Variants in GALNT13 observed in about 807,000 individuals in gnomAD.
GALNT13 encodes the protein UDP-GalNAc:polypeptide N-acetylgalactosaminyltransferase 13.
Under a neutral mutation model 64.2 loss-of-function variants are expected in GALNT13, and 28 were observed. The ratio of observed to expected loss-of-function variants is 0.44; its 90% confidence interval spans 0.32 to 0.60. The LOEUF (loss-of-function observed/expected upper bound fraction) is 0.60, where lower values mean the gene tolerates loss of function less well. Among genes scored for constraint, GALNT13 ranks in the 20% least tolerant of loss-of-function variants. GALNT13 has a pLI of 0.05. For synonymous variants in GALNT13, 214 were observed against 224.6 expected, an observed-to-expected ratio of 0.95 and a Z score of 0.42; for missense variants, 577 against 669.8, an observed-to-expected ratio of 0.86 and a Z score of 1.53.
At chr2:154,123,389 C>T (rs182821838) in intron 3 of GALNT13, among the ~76,000 whole-genome samples, 60 of 151,994 alleles carry the variant, frequency 3.9e-4, no homozygotes, top group African/African-American at 1.4e-3. Flanking sequence ...TCTAGGGTGA[C>T]CCTCAAATAT....
intron 2 of GALNT13, among the ~76,000 whole-genome samples, chr2:153,942,171 C>T (rs961316429): frequency 6.6e-6 from 1 of 151,918 alleles, no homozygotes; most frequent in Non-Finnish European, 1.5e-5. Flanking sequence ...CTTGATTAAG[C>T]CTCACAATAT....
chr2:154,150,522 A>G (rs532257582), intron 4 of GALNT13, among the ~76,000 whole-genome samples: 1 of 152,188 alleles, frequency 6.6e-6, no homozygotes, highest in East Asian at 1.9e-4. Context: ...TCCTCCTTGT[A>G]CCTCTGGTAG....
intron 3 of GALNT13, among the ~76,000 whole-genome samples, chr2:154,008,114 T>C (rs1424878159): frequency 6.6e-6 from 1 of 152,146 alleles, no homozygotes; most frequent in Non-Finnish European, 1.5e-5. Context: ...TTTTCTCTCA[T>C]AAGAGACAGG....
the GALNT13 span, among the ~76,000 whole-genome samples, chr2:153,781,252 A>G: frequency 6.6e-6 from 1 of 152,228 alleles, no homozygotes; most frequent in African/African-American, 2.4e-5. Flanking sequence ...TATTGGATTG[A>G]GAACAATTGT....
At chr2:153,257,321 T>G in the GALNT13 span, among the ~76,000 whole-genome samples, 4 of 152,106 alleles carry the variant, frequency 2.6e-5, no homozygotes, top group Admixed American at 1.3e-4. Context: ...TCGTGCACGG[T>G]GCGCGCACCC....
At chr2:153,478,847 G>T in the GALNT13 span, 51 of 397,712 alleles carry the variant, frequency 1.3e-4, no homozygotes, top group East Asian at 1.9e-3. Flanking sequence ...GGCTGGACCA[G>T]CCCGGCCGTG....
chr2:154,114,578 G>C (rs530803452), intron 3 of GALNT13, among the ~76,000 whole-genome samples: 1 of 150,866 alleles, frequency 6.6e-6, no homozygotes, highest in African/African-American at 2.4e-5. Flanking sequence ...CAGTAGTGTA[G>C]TGGGGTCCTT....
intron 11 of GALNT13, among the ~76,000 whole-genome samples, chr2:154,429,573 G>T (rs753533067): frequency 6.6e-6 from 1 of 152,194 alleles, no homozygotes; most frequent in Non-Finnish European, 1.5e-5. Context: ...AGGGCAAGGT[G>T]AAGTAGCAAG....
intron 1 of GALNT13, among the ~76,000 whole-genome samples, chr2:153,899,901 G>T (rs1057418233): frequency 6.9e-6 from 1 of 145,410 alleles, no homozygotes; most frequent in South Asian, 2.2e-4. Context: ...CTGTATTTTT[G>T]AAGGGAGATA....
chr2:153,195,988 C>G, the GALNT13 span, among the ~76,000 whole-genome samples: 2 of 152,162 alleles, frequency 1.3e-5, no homozygotes, highest in African/African-American at 4.8e-5. Flanking sequence ...AGAGTAGCTC[C>G]TCTCTGCAGC....
chr2:153,201,973 C>CTTT, the GALNT13 span, among the ~76,000 whole-genome samples: 109 of 108,864 alleles, frequency 1.0e-3, no homozygotes, highest in Non-Finnish European at 1.4e-3. Context: ...CCACCCATTT[C>CTTT]TTTTTTTTTT....
intron 3 of GALNT13, among the ~76,000 whole-genome samples, chr2:154,043,313 A>C (rs949992360): frequency 6.6e-6 from 1 of 151,316 alleles, no homozygotes; most frequent in East Asian, 2.0e-4. Flanking sequence ...GAGTAAAAAA[A>C]AGTTAGGGAT....
At chr2:153,302,472 A>G in the GALNT13 span, among the ~76,000 whole-genome samples, 1 of 152,064 alleles carries the variant, frequency 6.6e-6, no homozygotes, top group African/African-American at 2.4e-5. Flanking sequence ...TTAACCCCTT[A>G]TCAGATATAT....
the GALNT13 span, among the ~76,000 whole-genome samples, chr2:153,674,669 G>A: frequency 3.5e-4 from 53 of 152,206 alleles, no homozygotes; most frequent in Admixed American, 5.9e-4. Flanking sequence ...AACACAAAAA[G>A]CAATGGCAAC....
intron 1 of GALNT13, among the ~76,000 whole-genome samples, chr2:153,881,510 A>C (rs73005955): frequency 0.013 from 2,031 of 152,270 alleles, 50 homozygotes; most frequent in African/African-American, 0.047. Context: ...GGTACAGCTG[A>C]ATTAACACAT....
At chr2:153,313,542 T>G in the GALNT13 span, among the ~76,000 whole-genome samples, 1 of 150,744 alleles carries the variant, frequency 6.6e-6, no homozygotes, top group East Asian at 2.0e-4. Context: ...CTGGGGCCTA[T>G]CAGAGGGTGG....
At chr2:153,307,205 G>T in the GALNT13 span, among the ~76,000 whole-genome samples, 4 of 152,252 alleles carry the variant, frequency 2.6e-5, no homozygotes, top group East Asian at 7.7e-4. Flanking sequence ...ACAAGTATTT[G>T]CATTATGAAA....
the GALNT13 span, among the ~76,000 whole-genome samples, chr2:153,730,121 GTC>G: frequency 1.3e-5 from 2 of 151,726 alleles, no homozygotes; most frequent in East Asian, 3.9e-4. Context: ...GAAAAAAAAA[GTC>G]TGAATCATCA....
chr2:153,268,267 A>G, the GALNT13 span, among the ~76,000 whole-genome samples: 6 of 152,300 alleles, frequency 3.9e-5, no homozygotes, highest in South Asian at 1.2e-3. Context: ...CAAATGGGAG[A>G]TATTGGCCAA....
Sources: gnomAD v4.1 joint callset for allele counts (sites outside exome capture counted in the v4.1 genomes callset) on GRCh38, gnomAD v4.1.1 for gene constraint, MANE v1.5 for transcripts, NCBI Gene and HGNC (gene_info 2026-07-23, HGNC 2026-07-21) for gene names.